Variants in ZNF550 observed in about 807,000 individuals in gnomAD.
ZNF550 encodes zinc finger protein 550.
Under a neutral mutation model 40.2 loss-of-function variants are expected in ZNF550, and 42 were observed. That is an observed-to-expected ratio of 1.05 (90% CI 0.82 to 1.35). The LOEUF (loss-of-function observed/expected upper bound fraction) is 1.35, where lower values mean the gene tolerates loss of function less well. ZNF550 is among the 40% of genes most tolerant of loss of function. The probability of loss-of-function intolerance (pLI) is 0.00; values close to 1 mark genes in which losing one functional copy is unlikely to be tolerated. For missense variants in ZNF550, 549 were observed against 525.2 expected (o/e 1.05, Z -0.44); for synonymous variants, 223 against 198.6 (o/e 1.12, Z -1.03).
chr19:57,543,632 G>A, intron 4 of ZNF550: 1 of 985,340 alleles, frequency 1.0e-6, no homozygotes, highest in Non-Finnish European at 1.2e-6. Context: ...ACAAAAACAT[G>A]AACATGAAAA....
In ZNF550 at chr19:57,547,641, G is replaced by C. The variant is rs151237111; in HGVS notation, c.603C>G (p.Asn201Lys). The C allele has an allele frequency of 4.2e-5, 68 of 1,614,148 alleles. No individual in the cohort carries two copies. The African/African-American group carries it at 7.6e-4, about 18-fold the overall frequency. ...TCCCACACTGCTTGCATTTGTAGGG[G>C]TTTGTCCCTGCATGAATCAAGGCGT... Residue 201 changes from asparagine (N) to lysine (K), a missense_variant, in exon 4 of 5, where the codon AAC becomes AAG. Asn to Lys is a moderately conservative substitution (Grantham distance 94, BLOSUM62 0). Coordinates refer to ENST00000457177, the Ensembl canonical transcript of ZNF550.
intron 4 of ZNF550, among the ~76,000 whole-genome samples, chr19:57,545,301 A>G (rs1467643593): frequency 6.6e-6 from 1 of 152,190 alleles, no homozygotes; most frequent in Non-Finnish European, 1.5e-5. Context: ...AGACAATGAG[A>G]TTCCTCTCCA....
intron 4 of ZNF550, among the ~76,000 whole-genome samples, chr19:57,545,046 C>T (rs570307534): frequency 7.9e-5 from 12 of 152,238 alleles, no homozygotes; most frequent in East Asian, 3.9e-4. Context: ...CGCTTGAACC[C>T]GGGAGGCAGA....
chr19:57,550,969 C>G (rs1488528411), intron 3 of ZNF550, among the ~76,000 whole-genome samples: 1 of 151,916 alleles, frequency 6.6e-6, no homozygotes, highest in African/African-American at 2.4e-5. Flanking sequence ...TTTGAGTACA[C>G]TTTTTTTTGT....
chr19:57,542,406 T>C (rs2089968424), exon 5 of ZNF550: 1 of 151,252 alleles, frequency 6.6e-6, no homozygotes. Context: ...ATTTTTAAGG[T>C]TGAATCAAGC....
At chr19:57,544,563 G>C in intron 4 of ZNF550, 1 of 985,368 alleles carries the variant, frequency 1.0e-6, no homozygotes, top group Non-Finnish European at 1.2e-6. Context: ...TCCCACAGGA[G>C]AGGAAACTGT....
upstream of ZNF550, among the ~76,000 whole-genome samples, chr19:57,560,456 G>T (rs73060417): frequency 0.15 from 22,911 of 152,224 alleles, 2,010 homozygotes; most frequent in African/African-American, 0.23. Context: ...GAGAAAGAAT[G>T]CAGGGATGAG....
exon 1 of ZNF550, chr19:57,559,685 G>A (rs1184119570): frequency 1.0e-5 from 15 of 1,502,308 alleles, no homozygotes; most frequent in Admixed American, 2.0e-5. Context: ...TCCGCCATCC[G>A]ACCGTTGGCA....
chr19:57,544,023 AACTTCT>A, intron 4 of ZNF550: 1 of 985,448 alleles, frequency 1.0e-6, no homozygotes, highest in Non-Finnish European at 1.2e-6. Flanking sequence ...GTAAGTTCAA[AACTTCT>A]ACTGACTTAA....
chr19:57,542,136 A>G (rs949574635), exon 5 of ZNF550: 4 of 152,044 alleles, frequency 2.6e-5, no homozygotes, highest in Non-Finnish European at 5.9e-5. Flanking sequence ...GTTCAAATGT[A>G]TTTCAATATG....
At position 57,547,915 on chromosome 19, in the gene ZNF550, C is replaced by T. The variant is rs570277154; in HGVS notation, c.329G>A (p.Ser110Asn). The change falls in exon 4 of 5, where the codon AGC becomes AAC. Residue 110 changes from serine (S) to asparagine (N), a missense_variant. Transcript: ENST00000457177. ...TGAGGTTGAAGATTCCAGAGTCAGGCTTCCCCGGAGAAAGGCCCGCTCAGA... is the reference window on the plus strand; with the variant it reads ...TGAGGTTGAAGATTCCAGAGTCAGGTTTCCCCGGAGAAAGGCCCGCTCAGA... The T allele has an allele frequency of 1.4e-4, 228 of 1,614,122 alleles. 4 individuals are homozygous for T. The South Asian group carries it at 2.3e-3, about 17-fold the overall frequency.
At chr19:57,552,905 A>T in intron 2 of ZNF550, 183 bp from the exon 3 acceptor site, 2 of 565,778 alleles carry the variant, frequency 3.5e-6, no homozygotes, top group Non-Finnish European at 6.3e-6. Context: ...TTCCCCATAA[A>T]AATCATATGT....
chr19:57,558,763 G>A (rs1239069858), intron 1 of ZNF550, among the ~76,000 whole-genome samples: 2 of 152,132 alleles, frequency 1.3e-5, no homozygotes, highest in Non-Finnish European at 2.9e-5. Flanking sequence ...TAACAACTAC[G>A]ACAGGAGCTG....
chr19:57,555,991 CT>C, intron 2 of ZNF550: 1 of 475,752 alleles, frequency 2.1e-6, no homozygotes, highest in Non-Finnish European at 3.8e-6. Flanking sequence ...GGCCAATCAG[CT>C]TCCTTCTTAT....
intron 4 of ZNF550, chr19:57,543,498 G>T: frequency 5.7e-6 from 3 of 530,430 alleles, no homozygotes; most frequent in Non-Finnish European, 7.2e-6. Flanking sequence ...GACATTTACT[G>T]ATTGAAGTGC....
Position 57,546,974 on chromosome 19 carries a change from C to G in ZNF550, c.*1G>C, listed in dbSNP as rs141600675. ...GTATTCATTGCAGCAATAGGGTTCT[C>G]TCATGTATGGACCCTTTGGTGCTGC... On this transcript the variant is annotated 3_prime_UTR_variant, in exon 4 of 5. Transcript: ENST00000457177. The G allele has an allele frequency of 9.8e-5, 157 of 1,605,788 alleles. No individual in the cohort carries two copies. In the African/African-American group the frequency reaches 1.6e-3, roughly 16 times the overall value.
intron 3 of ZNF550, chr19:57,552,250 T>C (rs933405415): frequency 9.9e-6 from 4 of 403,052 alleles, no homozygotes; most frequent in Admixed American, 4.3e-5. Flanking sequence ...CATGGGCACA[T>C]AGCCAAATCA....
intron 4 of ZNF550, chr19:57,543,846 G>A (rs2089983834): frequency 3.2e-5 from 18 of 554,152 alleles, no homozygotes; most frequent in Non-Finnish European, 3.9e-5. Context: ...GCTGAGGCAG[G>A]AGAATCCCTT....
exon 5 of ZNF550, chr19:57,542,601 GAAAA>G (rs911332632): frequency 1.4e-5 from 2 of 147,004 alleles, no homozygotes; most frequent in Admixed American, 6.7e-5. Flanking sequence ...GAGTGAAAAA[GAAAA>G]AAAAAGAATT....
Sources: gnomAD v4.1 joint callset for allele counts (sites outside exome capture counted in the v4.1 genomes callset) on GRCh38, gnomAD v4.1.1 for gene constraint, MANE v1.5 for transcripts, NCBI Gene and HGNC (gene_info 2026-07-23, HGNC 2026-07-21) for gene names.